Variants in MBNL1 observed in about 807,000 individuals in gnomAD.
The protein encoded by MBNL1 is muscleblind-like protein 1.
A neutral mutation model predicts 42.2 loss-of-function variants in MBNL1; 8 were observed. That is an observed-to-expected ratio of 0.19 (90% CI 0.11 to 0.34). The LOEUF (loss-of-function observed/expected upper bound fraction) is 0.34. Among genes scored for constraint, MBNL1 ranks in the 10% least tolerant of loss-of-function variants. The probability of loss-of-function intolerance (pLI) is 1.00; values close to 1 mark genes in which losing one functional copy is unlikely to be tolerated. For missense variants in MBNL1, 309 were observed against 495.3 expected, an observed-to-expected ratio of 0.62 and a Z score of 3.57; for synonymous variants, 169 against 173.9, an observed-to-expected ratio of 0.97 and a Z score of 0.22.
intron 3 of MBNL1, among the ~76,000 whole-genome samples, chr3:152,415,867 ATATT>A (rs1319839049): frequency 3.3e-5 from 5 of 152,224 alleles, no homozygotes; most frequent in Admixed American, 6.5e-5. Context: ...ATCTCTATTC[ATATT>A]TATTCATCAA....
chr3:152,248,982 G>C (rs2033877713), intron 2 of MBNL1, among the ~76,000 whole-genome samples: 1 of 151,680 alleles, frequency 6.6e-6, no homozygotes, highest in Admixed American at 6.6e-5. Flanking sequence ...ATTCCATGGT[G>C]TATATGTGCC....
chr3:152,289,448 A>G (rs1171971618), intron 1 of MBNL1, among the ~76,000 whole-genome samples: 1 of 152,086 alleles, frequency 6.6e-6, no homozygotes, highest in Non-Finnish European at 1.5e-5. Flanking sequence ...TGAAGTGAAA[A>G]TAGGAGTTGT....
At chr3:152,331,691 T>G (rs191595765) in intron 2 of MBNL1, among the ~76,000 whole-genome samples, 1 of 152,200 alleles carries the variant, frequency 6.6e-6, no homozygotes, top group East Asian at 1.9e-4. Flanking sequence ...CTTCAAATGT[T>G]ATTGATTGAT....
chr3:152,280,507 T>G (rs1282852627), intron 1 of MBNL1, among the ~76,000 whole-genome samples: 4 of 152,110 alleles, frequency 2.6e-5, no homozygotes, highest in Non-Finnish European at 5.9e-5. Context: ...CTGGCAGTTT[T>G]GGAGAAAGGT....
At chr3:152,409,346 A>G (rs2153609042) in intron 2 of MBNL1, among the ~76,000 whole-genome samples, 1 of 152,282 alleles carries the variant, frequency 6.6e-6, no homozygotes, top group East Asian at 1.9e-4. Context: ...AGAATTGATA[A>G]CTAAAAAGCA....
intron 2 of MBNL1, among the ~76,000 whole-genome samples, chr3:152,328,176 T>G (rs1228696831): frequency 6.6e-6 from 1 of 152,166 alleles, no homozygotes; most frequent in African/African-American, 2.4e-5. Context: ...AGGGTAATTT[T>G]GGATTTTAGA....
At chr3:152,404,854 T>C (rs2153576766) in intron 2 of MBNL1, among the ~76,000 whole-genome samples, 1 of 151,640 alleles carries the variant, frequency 6.6e-6, no homozygotes, top group East Asian at 1.9e-4. Context: ...GTGAAATATA[T>C]AGATAATCCA....
rs185913134 is a variant in MBNL1 at position 152,452,170 on chromosome 3, C to T, written c.962-3372C>T. Among the ~76,000 whole-genome samples the T allele has an allele frequency of 1.8e-3, 268 of 152,306 alleles. 2 individuals are homozygous for T. The highest frequency in any genetic ancestry group is 6.0e-3 in the African/African-American group (249 of 41,558). ...GATATATACTTGTTTTAACCTTCCC[C>T]TTTCAGGACCAGATTGATTATTTGT... On this transcript the variant is annotated intron_variant, in intron 6 of 9. Transcript: ENST00000324210.
Position 152,462,885 on chromosome 3 carries a change from A to G in MBNL1, c.*519A>G, listed in dbSNP as rs1748156503. The G allele has an allele frequency of 6.6e-6, 1 of 152,520 alleles. No homozygotes were observed. 9.4% of individuals were successfully genotyped at this position (152,520 alleles called of 1,614,324 possible). The stretch of plus-strand genomic sequence containing the variant: ...GTGCATGCACAGTCATTTTTGTTTA[A>G]GAGTAATATTTTTAATGTAATAGAT... On this transcript the variant is annotated 3_prime_UTR_variant, in exon 10 of 10. Coordinates refer to ENST00000324210, the MANE Select transcript of MBNL1 (RefSeq NM_021038.5).
intron 7 of MBNL1, among the ~76,000 whole-genome samples, chr3:152,456,043 CT>C (rs140032435): frequency 1.3e-5 from 2 of 152,048 alleles, no homozygotes; most frequent in African/African-American, 2.4e-5. Context: ...TGGTAACAAG[CT>C]TTTTTCCCCC....
In MBNL1 at chr3:152,424,444, A is replaced by AG. The variant is rs1213032721; in HGVS notation, c.346-8273_346-8272insG. 1.2e-4 allele frequency among the ~76,000 whole-genome samples: 19 copies of AG among 152,232 alleles called. 1 individual carries two copies. Among genetic ancestry groups the AG allele is most frequent in the Admixed American group, 1.3e-4 (2 of 15,284 alleles). ...AGAGAGGACACAAGCAAATGGAAAA[A>AG]CATTCCATGCACATGGATAGAAAGA... On this transcript the variant is annotated intron_variant, in intron 3 of 9. Coordinates refer to ENST00000324210, the MANE Select transcript of MBNL1 (RefSeq NM_021038.5).
chr3:152,322,733 A>AT (rs376894563), intron 2 of MBNL1, among the ~76,000 whole-genome samples: 14 of 151,944 alleles, frequency 9.2e-5, no homozygotes, highest in Non-Finnish European at 1.8e-4. Context: ...TTTTTCTGGC[A>AT]TTTTTTAAGC....
chr3:152,411,234 G>C (rs1486922287), intron 2 of MBNL1, among the ~76,000 whole-genome samples: 1 of 152,138 alleles, frequency 6.6e-6, no homozygotes, highest in Non-Finnish European at 1.5e-5. Context: ...TATCAAAACT[G>C]AAGATGGCTG....
intron 2 of MBNL1, among the ~76,000 whole-genome samples, chr3:152,324,055 T>G (rs1323338709): frequency 6.6e-6 from 1 of 152,206 alleles, no homozygotes; most frequent in Non-Finnish European, 1.5e-5. Context: ...TGCTTTCATT[T>G]TCAACTTCTC....
Position 152,315,932 on chromosome 3 carries a change from C to T in MBNL1, c.174+15565C>T, listed in dbSNP as rs115202501. 4.1e-4 allele frequency among the ~76,000 whole-genome samples: 63 copies of T among 152,014 alleles called. No homozygotes were observed. The South Asian group carries it at 6.0e-3, about 15-fold the overall frequency. The stretch of plus-strand genomic sequence containing the variant: ...ACATATGCGCGCGCACACACCCACA[C>T]GTCTTATGGAAATATTAAATCAGGA... On this transcript the variant is annotated intron_variant, in intron 2 of 9. Transcript: ENST00000324210.
chr3:152,318,285 T>A (rs1321824604), intron 2 of MBNL1, among the ~76,000 whole-genome samples: 1 of 152,166 alleles, frequency 6.6e-6, no homozygotes, highest in Non-Finnish European at 1.5e-5. Flanking sequence ...TTGAAAGTGG[T>A]TTGATCATTA....
At chr3:152,289,505 G>A (rs1366620243) in intron 1 of MBNL1, among the ~76,000 whole-genome samples, 1 of 151,792 alleles carries the variant, frequency 6.6e-6, no homozygotes, top group East Asian at 1.9e-4. Context: ...TTTAAACCAG[G>A]GAAAAACAAC....
chr3:152,305,111 T>C (rs2062389612), intron 2 of MBNL1, among the ~76,000 whole-genome samples: 1 of 152,204 alleles, frequency 6.6e-6, no homozygotes, highest in Admixed American at 6.5e-5. Context: ...CTGAATTCAG[T>C]TTCATTGTAA....
chr3:152,465,342 C>CCAAA lies in MBNL1; in HGVS notation c.*2979_*2982dup, dbSNP rs2153991923. 1 of 152,574 alleles carries CCAAA rather than the reference C, an allele frequency of 6.6e-6. No individual in the cohort carries two copies. Among genetic ancestry groups the CCAAA allele is most frequent in the East Asian group, 1.9e-4 (1 of 5,188 alleles). The allele number at this position is 152,574 out of a possible 1,614,324, so 9.5% of individuals were successfully genotyped here. On this transcript the variant is annotated 3_prime_UTR_variant, in exon 10 of 10. Transcript: ENST00000324210. The stretch of plus-strand genomic sequence containing the variant: ...AAAATTTAAATCATAAACAGGCAAA[C>CCAAA]CAAACAGCACACTGTAGCTATAGTT...
Sources: allele counts gnomAD v4.1 joint callset (sites outside exome capture counted in the v4.1 genomes callset), GRCh38; gene constraint gnomAD v4.1.1; transcripts MANE v1.5; gene names NCBI Gene and HGNC (gene_info 2026-07-23, HGNC 2026-07-21).